EXOC4: variants seen among roughly 807,000 people sequenced by gnomAD.
EXOC4 encodes the protein exocyst complex component 4.
In EXOC4, 71 loss-of-function variants were observed where a neutral mutation model predicts 107.2. The observed-to-expected ratio is 0.66, with a 90% CI of 0.55 to 0.81. The LOEUF is 0.81. Ranked by LOEUF, EXOC4 falls within the 30% of genes least tolerant of loss-of-function variation. The pLI is 0.00. For synonymous variants in EXOC4, 456 were observed against 441.2 expected (o/e 1.03, Z -0.42); for missense variants, 1,108 against 1,189.6 (o/e 0.93, Z 1.01).
intron 12 of EXOC4, among the ~76,000 whole-genome samples, chr7:133,898,950 A>G (rs1184860588): frequency 6.6e-6 from 1 of 150,774 alleles, no homozygotes; most frequent in East Asian, 1.9e-4. Context: ...TGCACTCCAG[A>G]CTGGATGACA....
At chr7:133,397,677 T>A (rs1325116206) in intron 7 of EXOC4, among the ~76,000 whole-genome samples, 1 of 152,158 alleles carries the variant, frequency 6.6e-6, no homozygotes, top group African/African-American at 2.4e-5. Context: ...TGTTTGTGAT[T>A]TTTTTCCTCT....
At chr7:133,293,068 A>C (rs1403075258) in intron 3 of EXOC4, among the ~76,000 whole-genome samples, 1 of 152,154 alleles carries the variant, frequency 6.6e-6, no homozygotes, top group Non-Finnish European at 1.5e-5. Context: ...GTACTATTTG[A>C]AATATGTTAC....
At chr7:133,356,771 A>G (rs1796030264) in intron 6 of EXOC4, among the ~76,000 whole-genome samples, 198 bp downstream of exon 6, 2 of 152,178 alleles carry the variant, frequency 1.3e-5, no homozygotes, top group Non-Finnish European at 2.9e-5. Context: ...ACTTGAGGTC[A>G]GAAGTTTGAG....
intron 9 of EXOC4, among the ~76,000 whole-genome samples, chr7:133,587,841 C>G (rs1801441760): frequency 6.6e-6 from 1 of 152,276 alleles, no homozygotes; most frequent in African/African-American, 2.4e-5. Context: ...TATGTTGTTG[C>G]TATTGCTTTT....
At chr7:133,291,462 A>G (rs1361992882) in intron 3 of EXOC4, among the ~76,000 whole-genome samples, 1 of 151,176 alleles carries the variant, frequency 6.6e-6, no homozygotes, top group African/African-American at 2.4e-5. Flanking sequence ...GCTCACCACA[A>G]CCTTTGCCTC....
chr7:133,427,256 G>A (rs1379273417), intron 7 of EXOC4, among the ~76,000 whole-genome samples: 1 of 152,096 alleles, frequency 6.6e-6, no homozygotes, highest in African/African-American at 2.4e-5. Flanking sequence ...AGGCTGTGCT[G>A]CTCGACTCCC....
intron 12 of EXOC4, among the ~76,000 whole-genome samples, chr7:133,915,815 T>G (rs1460241235): frequency 6.6e-6 from 1 of 152,222 alleles, no homozygotes; most frequent in East Asian, 1.9e-4. Context: ...AAGAAGTTTC[T>G]GTAATCCAAT....
chr7:133,282,928 C>T (rs1391479321), intron 2 of EXOC4, among the ~76,000 whole-genome samples: 1 of 152,194 alleles, frequency 6.6e-6, no homozygotes, highest in South Asian at 2.1e-4. Context: ...AACATCTTCT[C>T]AACCCGTCCT....
At chr7:133,865,719 GGAGA>G (rs1407310262) in intron 11 of EXOC4, among the ~76,000 whole-genome samples, 3 of 152,088 alleles carry the variant, frequency 2.0e-5, no homozygotes, top group African/African-American at 4.8e-5. Flanking sequence ...TTGCAGAGCA[GGAGA>G]GAGAGAGCAA....
chr7:133,647,160 T>C (rs766692108), intron 10 of EXOC4, among the ~76,000 whole-genome samples: 1 of 152,138 alleles, frequency 6.6e-6, no homozygotes, highest in Non-Finnish European at 1.5e-5. Context: ...TCCCTAGAAA[T>C]AGTAATGAGC....
chr7:133,839,935 A>G (rs992016828), intron 11 of EXOC4, among the ~76,000 whole-genome samples: 2 of 152,166 alleles, frequency 1.3e-5, no homozygotes, highest in African/African-American at 4.8e-5. Flanking sequence ...CCTCAAGTTT[A>G]TTAGAGAAGG....
chr7:133,810,511 G>T (rs1324880377), intron 10 of EXOC4, among the ~76,000 whole-genome samples: 2 of 151,918 alleles, frequency 1.3e-5, no homozygotes, highest in Non-Finnish European at 1.5e-5. Flanking sequence ...TACATTTAGA[G>T]GGCCTTTAGT....
At chr7:133,969,865 C>G (rs1404424208) in intron 14 of EXOC4, among the ~76,000 whole-genome samples, 7 of 152,220 alleles carry the variant, frequency 4.6e-5, no homozygotes, top group African/African-American at 1.7e-4. Flanking sequence ...AGCTTGAGTG[C>G]TGTGCTGGGA....
intron 7 of EXOC4, among the ~76,000 whole-genome samples, chr7:133,457,976 A>G (rs1239154180): frequency 3.3e-5 from 5 of 152,228 alleles, no homozygotes; most frequent in South Asian, 2.1e-4. Flanking sequence ...GACTTTTAGA[A>G]GAAATAAAAG....
At position 133,675,278 on chromosome 7, in the gene EXOC4, G is replaced by GAAC. The variant is rs1794030784; in HGVS notation, c.1514+45137_1514+45138insAAC. Among the ~76,000 whole-genome samples the GAAC allele has an allele frequency of 3.2e-4, 48 of 152,122 alleles. 1 individual carries two copies. On this transcript the variant is annotated intron_variant, in intron 10 of 17. Coordinates refer to ENST00000253861, the MANE Select transcript of EXOC4 (RefSeq NM_021807.4). ...CCATAAATGCAATATCTACAAGCCA[G>GAAC]GACGTCTGTGTGGCATTTGGTCAGT... is the stretch of plus-strand genomic sequence containing the variant.
chr7:133,898,521 G>A (rs1431213589), intron 12 of EXOC4, among the ~76,000 whole-genome samples: 8 of 142,496 alleles, frequency 5.6e-5, no homozygotes, highest in Non-Finnish European at 1.1e-4. Context: ...CGAGGCAGGC[G>A]GATCACGAGG....
At chr7:133,523,814 G>A (rs997348353) in intron 9 of EXOC4, among the ~76,000 whole-genome samples, 3 of 152,156 alleles carry the variant, frequency 2.0e-5, no homozygotes, top group African/African-American at 7.2e-5. Context: ...TGGTGTATAT[G>A]TGACACATTT....
At chr7:133,380,627 A>G (rs1796596769) in intron 7 of EXOC4, among the ~76,000 whole-genome samples, 1 of 152,116 alleles carries the variant, frequency 6.6e-6, no homozygotes, top group Non-Finnish European at 1.5e-5. Flanking sequence ...TTTCTAAAAT[A>G]TGGGTCCTTG....
At chr7:133,424,812 T>A (rs1314497999) in intron 7 of EXOC4, among the ~76,000 whole-genome samples, 3 of 152,182 alleles carry the variant, frequency 2.0e-5, no homozygotes, top group African/African-American at 7.2e-5. Context: ...AAGCTAAACT[T>A]AAGAGAGAGG....
Sources: allele counts gnomAD v4.1 joint callset (sites outside exome capture counted in the v4.1 genomes callset), GRCh38; gene constraint gnomAD v4.1.1; transcripts MANE v1.5; gene names NCBI Gene and HGNC (gene_info 2026-07-23, HGNC 2026-07-21).